The following ATP9B variants were observed in gnomAD, a reference collection of about 807,000 sequenced individuals.
ATP9B encodes ATPase phospholipid transporting 9B.
ATP9B carries 110 observed loss-of-function variants against 146.1 expected under a neutral mutation model. That is an observed-to-expected ratio of 0.75 (90% CI 0.65 to 0.88). The LOEUF (loss-of-function observed/expected upper bound fraction) is 0.88. ATP9B is among the 40% of genes least tolerant of loss of function. The pLI is 0.00. For missense variants in ATP9B, 1,499 were observed against 1,496.4 expected, an observed-to-expected ratio of 1.00 and a Z score of -0.03; for synonymous variants, 604 against 569.7, an observed-to-expected ratio of 1.06 and a Z score of -0.86.
intron 11 of ATP9B, among the ~76,000 whole-genome samples, chr18:79,238,454 G>A (rs886096760): frequency 1.3e-5 from 2 of 152,228 alleles, no homozygotes; most frequent in Non-Finnish European, 2.9e-5. Context: ...GTGGGCTGCT[G>A]CTGTTCCGGC....
intron 20 of ATP9B, chr18:79,343,972 T>G: frequency 2.1e-6 from 1 of 482,618 alleles, no homozygotes; most frequent in Non-Finnish European, 3.7e-6. Context: ...ATAGGCACCC[T>G]TTACACAAAT....
chr18:79,125,944 A>G (rs894898874), intron 4 of ATP9B, among the ~76,000 whole-genome samples: 2 of 152,202 alleles, frequency 1.3e-5, no homozygotes, highest in Non-Finnish European at 2.9e-5. Flanking sequence ...TGAATGCCCA[A>G]GTATTCTAAA....
chr18:79,365,711 C>T (rs983702120), intron 26 of ATP9B, among the ~76,000 whole-genome samples: 1 of 150,914 alleles, frequency 6.6e-6, no homozygotes, highest in Non-Finnish European at 1.5e-5. Context: ...GATGGAAGGA[C>T]ATCTCTGTGG....
intron 5 of ATP9B, among the ~76,000 whole-genome samples, chr18:79,141,919 C>A (rs927507214): frequency 6.6e-5 from 10 of 152,170 alleles, no homozygotes; most frequent in African/African-American, 2.2e-4. Context: ...ACTTTCCTCC[C>A]CTGTGTTCTC....
intron 6 of ATP9B, among the ~76,000 whole-genome samples, chr18:79,148,037 C>G (rs62101121): frequency 6.6e-6 from 1 of 152,172 alleles, no homozygotes; most frequent in Non-Finnish European, 1.5e-5. Context: ...TTATGAAATA[C>G]TACAAACACC....
At chr18:79,236,767 G>A (rs1314021572) in intron 11 of ATP9B, among the ~76,000 whole-genome samples, 1 of 145,970 alleles carries the variant, frequency 6.9e-6, no homozygotes, top group Admixed American at 6.9e-5. Flanking sequence ...GTCCGTGCAC[G>A]AGTCAGTGTC....
intron 11 of ATP9B, among the ~76,000 whole-genome samples, chr18:79,221,766 A>G (rs551881905): frequency 6.6e-6 from 1 of 151,436 alleles, no homozygotes; most frequent in South Asian, 2.1e-4. Flanking sequence ...AGTTAAGTTG[A>G]TGTATGTTAG....
intron 12 of ATP9B, chr18:79,255,371 A>G (rs984449100): frequency 2.6e-5 from 4 of 152,292 alleles, no homozygotes; most frequent in African/African-American, 9.7e-5. Context: ...CTAAGCACTC[A>G]CTTTGATCCC....
Position 79,345,541 on chromosome 18 carries a change from G to A in ATP9B, c.2586G>A (p.Gln862=), listed in dbSNP as rs754125016. The A allele has an allele frequency of 2.6e-5, 42 of 1,610,852 alleles. No individual in the cohort carries two copies. The highest frequency in any genetic ancestry group is 1.6e-4 in the Middle Eastern group (1 of 6,084). The change falls in exon 22 of 30, where the codon CAG becomes CAA. Residue 862 remains glutamine (Q), a synonymous_variant. Transcript: ENST00000426216. ...AGGCCCGCATTGTGACACTGCTGCAGCAGCACACAGGGAGACGCACCTGCG... is the reference window on the plus strand; with the variant it reads ...AGGCCCGCATTGTGACACTGCTGCAACAGCACACAGGGAGACGCACCTGCG... ...TQKARIVTLL[Q]QHTGRRTCAI... is the part of the protein sequence containing the mutation.
intron 18 of ATP9B, 91 bp from the exon 19 acceptor site, chr18:79,337,186 CCT>C (rs111329154): frequency 0.14 from 206,465 of 1,434,716 alleles, 19,296 homozygotes; most frequent in Admixed American, 0.2. Context: ...GTCACCTCCC[CCT>C]CTGTCCCCAC....
chr18:79,258,639 G>A (rs1326657747), intron 12 of ATP9B, among the ~76,000 whole-genome samples: 2 of 152,140 alleles, frequency 1.3e-5, no homozygotes, highest in Admixed American at 6.5e-5. Context: ...GATGATAGCC[G>A]GCTTTCTGCG....
chr18:79,114,779 C>T (rs527293768), intron 4 of ATP9B, among the ~76,000 whole-genome samples: 7 of 152,054 alleles, frequency 4.6e-5, no homozygotes, highest in Non-Finnish European at 8.8e-5. Context: ...ATATAGATGC[C>T]GTGAGCTCCC....
chr18:79,269,383 A>C (rs184302017), intron 12 of ATP9B, among the ~76,000 whole-genome samples: 2 of 152,350 alleles, frequency 1.3e-5, no homozygotes, highest in African/African-American at 4.8e-5. Flanking sequence ...TGTTAAACTA[A>C]GGAATTTCTT....
intron 13 of ATP9B, among the ~76,000 whole-genome samples, chr18:79,299,185 C>T (rs1174107135): frequency 6.6e-6 from 1 of 151,692 alleles, no homozygotes; most frequent in Non-Finnish European, 1.5e-5. Flanking sequence ...CTGGACAGGG[C>T]CCATCCAGAA....
chr18:79,327,682 CGTGCTCTCCGTGGTTAGT>C lies in ATP9B; in HGVS notation c.1774-1450_1774-1433del, dbSNP rs1233561042. On this transcript the variant is annotated intron_variant, in intron 15 of 29. Transcript: ENST00000426216. ...TGTTTAGCGTGCTCTCCGTGGTTAG[CGTGCTCTCCGTGGTTAGT>C]GTGCTCTCTCCATGGTTAGCGTGCT... Among the ~76,000 whole-genome samples, 29 of 139,332 alleles carry C rather than the reference CGTGCTCTCCGTGGTTAGT, an allele frequency of 2.1e-4. 1 individual carries two copies. Among genetic ancestry groups the C allele is most frequent in the African/African-American group, 7.4e-4 (27 of 36,650 alleles). The allele number at this position is 139,332 out of a possible 152,430, so 91.4% of individuals were successfully genotyped here.
At position 79,370,904 on chromosome 18, in the gene ATP9B, CT is replaced by C. The variant is rs200306793; in HGVS notation, c.3013-1917del. Among the ~76,000 whole-genome samples, 37 of 152,290 alleles carry C rather than the reference CT, an allele frequency of 2.4e-4. No individual in the cohort carries two copies. The East Asian group carries it at 7.1e-3, about 29-fold the overall frequency. On this transcript the variant is annotated intron_variant, in intron 26 of 29. Transcript: ENST00000426216. ...TCTTATGTCAAAATAATTAAATTTC[CT>C]TTTACAGTTTTTGAATAAAATGAGC... is the stretch of plus-strand genomic sequence containing the variant.
intron 13 of ATP9B, among the ~76,000 whole-genome samples, chr18:79,299,329 G>C (rs1202546762): frequency 6.6e-6 from 1 of 152,100 alleles, no homozygotes; most frequent in African/African-American, 2.4e-5. Flanking sequence ...TCTCTTGTGT[G>C]TGTCTCTTCC....
chr18:79,236,978 G>A (rs1392216128), intron 11 of ATP9B, among the ~76,000 whole-genome samples: 1 of 91,294 alleles, frequency 1.1e-5, no homozygotes. Context: ...GTCCGTGCAT[G>A]AATCAGTGTC....
chr18:79,312,858 T>C (rs964364951), intron 15 of ATP9B, among the ~76,000 whole-genome samples: 6 of 152,242 alleles, frequency 3.9e-5, no homozygotes, highest in African/African-American at 1.4e-4. Context: ...GTGAATCACA[T>C]TGTCACTTCC....
Sources: gnomAD v4.1 joint callset for allele counts (sites outside exome capture counted in the v4.1 genomes callset) on GRCh38, gnomAD v4.1.1 for gene constraint, MANE v1.5 for transcripts, NCBI Gene and HGNC (gene_info 2026-07-23, HGNC 2026-07-21) for gene names.